The following CR1L variants were observed in gnomAD, a reference collection of about 807,000 sequenced individuals.
CR1L encodes complement component receptor 1-like protein.
In CR1L, 59 loss-of-function variants were observed where a neutral mutation model predicts 62.3. The observed-to-expected ratio is 0.95, with a 90% CI of 0.77 to 1.18. The LOEUF is 1.18. Among genes scored for constraint, CR1L ranks in the 50% most tolerant of loss-of-function variants. The probability of loss-of-function intolerance (pLI) is 0.00; values close to 1 mark genes in which losing one functional copy is unlikely to be tolerated. For synonymous variants in CR1L, 279 were observed against 248.7 expected (o/e 1.12, Z -1.15); for missense variants, 700 against 702.8 (o/e 1.00, Z 0.04).
At chr1:207,682,462 A>T (rs569644333) in intron 3 of CR1L, among the ~76,000 whole-genome samples, 8 of 152,134 alleles carry the variant, frequency 5.3e-5, no homozygotes, top group Admixed American at 6.5e-5. Flanking sequence ...TCTATCTCAA[A>T]AATAATAATA....
At chr1:207,710,930 C>G (rs1664347230) in intron 10 of CR1L, 1 of 862,464 alleles carries the variant, frequency 1.2e-6, no homozygotes, top group African/African-American at 1.7e-5. Context: ...AATTAAGAAT[C>G]TGGGGTGTGC....
At chr1:207,673,484 C>T (rs927450808) in intron 1 of CR1L, among the ~76,000 whole-genome samples, 3 of 152,076 alleles carry the variant, frequency 2.0e-5, no homozygotes, top group African/African-American at 7.2e-5. Flanking sequence ...CTCATATTTG[C>T]GCAGACATGA....
intron 10 of CR1L, among the ~76,000 whole-genome samples, chr1:207,716,322 G>A (rs1466599001): frequency 1.1e-4 from 17 of 152,014 alleles, no homozygotes; most frequent in African/African-American, 3.1e-4. Context: ...GGAAGGAGCC[G>A]GGATGACGAA....
chr1:207,697,598 C>A lies in CR1L; in HGVS notation c.958C>A (p.Pro320Thr). The A allele has an allele frequency of 6.2e-7, 1 of 1,613,904 alleles. No homozygotes were observed. Among genetic ancestry groups the A allele is most frequent in the South Asian group, 1.1e-5 (1 of 91,076 alleles). ...PGQEVFYSCEPGYDLRGSTYL... is the reference protein window; with the variant it reads ...PGQEVFYSCETGYDLRGSTYL... ...GCAGGAAGTGTTCTACAGCTGTGAG[C>A]CCGGCTACGACCTCAGAGGATCTAC... Residue 320 changes from proline to threonine, a missense_variant, in exon 6 of 12, where the codon CCC (proline) becomes ACC (threonine). Pro to Thr is a conservative substitution (Grantham distance 38, BLOSUM62 -1). Transcript: ENST00000508064.
chr1:207,652,664 C>T (rs995527531), intron 1 of CR1L: 2 of 1,016,892 alleles, frequency 2.0e-6, no homozygotes, highest in African/African-American at 1.6e-5. Flanking sequence ...TTCTACGTAC[C>T]TCCTCTTGCC....
At chr1:207,709,910 G>C (rs983330701) in intron 10 of CR1L, among the ~76,000 whole-genome samples, 2 of 151,650 alleles carry the variant, frequency 1.3e-5, no homozygotes, top group African/African-American at 4.8e-5. Flanking sequence ...ACTACGAAGA[G>C]CACAACTCAC....
chr1:207,711,586 T>G (rs1273716508), intron 10 of CR1L: 1 of 152,388 alleles, frequency 6.6e-6, no homozygotes, highest in Non-Finnish European at 1.5e-5. Context: ...AACACGCCCC[T>G]CAATTTGCAT....
Position 207,719,655 on chromosome 1 carries a change from G to A in CR1L, c.1642+1964G>A, listed in dbSNP as rs542845954. ...AGAATCCCAAGCCTGGGAGGTCGAG[G>A]CTGCAGTGAGCTGAGATCACAACAC... is the stretch of plus-strand genomic sequence containing the variant. On this transcript the variant is annotated intron_variant, in intron 11 of 11. Transcript: ENST00000508064. 2.6e-5 allele frequency among the ~76,000 whole-genome samples: 4 copies of A among 152,100 alleles called. No homozygotes were observed. The South Asian group carries it at 8.3e-4, about 32-fold the overall frequency.
intron 1 of CR1L, among the ~76,000 whole-genome samples, chr1:207,647,872 G>A (rs1478656445): frequency 6.6e-6 from 1 of 152,094 alleles, no homozygotes; most frequent in Non-Finnish European, 1.5e-5. Flanking sequence ...ATGGGATTAG[G>A]GAGCAGTGGT....
At chr1:207,684,021 A>G (rs761701754) in intron 4 of CR1L, 64 bp downstream of exon 4, 103 of 1,486,402 alleles carry the variant, frequency 6.9e-5, no homozygotes, top group Non-Finnish European at 9.4e-5. Flanking sequence ...CTGGAATAAT[A>G]AAAATCTTAA....
intron 1 of CR1L, among the ~76,000 whole-genome samples, chr1:207,650,669 C>T (rs1663208306): frequency 6.6e-6 from 1 of 152,106 alleles, no homozygotes. Context: ...TAGTCAAATA[C>T]CATGAATTTC....
chr1:207,661,712 C>T (rs11580299), intron 1 of CR1L, among the ~76,000 whole-genome samples: 5,831 of 151,904 alleles, frequency 0.038, 177 homozygotes, highest in South Asian at 0.12. Context: ...TTATTTTGCT[C>T]GTTAGTTGAT....
rs180938157 is a variant in CR1L at position 207,701,044 on chromosome 1, G to A, written c.1229-475G>A. ...GATGTAAGAGTTTTTCTTGCAGGTC[G>A]TCTTTGATTATTGCTTGAAATGCTC... On this transcript the variant is annotated intron_variant, in intron 8 of 11. Coordinates refer to ENST00000508064, the MANE Select transcript of CR1L (RefSeq NM_175710.2). Among the ~76,000 whole-genome samples, 63 of 152,200 alleles carry A rather than the reference G, an allele frequency of 4.1e-4. 1 individual carries two copies. The highest frequency in any genetic ancestry group is 1.0e-3 in the African/African-American group (42 of 41,512).
chr1:207,677,736 T>C (rs1571514488), intron 2 of CR1L, among the ~76,000 whole-genome samples, 168 bp downstream of exon 2: 1 of 152,246 alleles, frequency 6.6e-6, no homozygotes, highest in Non-Finnish European at 1.5e-5. Context: ...TTTGAGTTCC[T>C]GGCACCTTCA....
intron 5 of CR1L, among the ~76,000 whole-genome samples, chr1:207,697,027 T>G (rs1037662175): frequency 6.6e-6 from 1 of 152,088 alleles, no homozygotes; most frequent in African/African-American, 2.4e-5. Flanking sequence ...AGAGAATAGA[T>G]GTATGTTTGT....
intron 5 of CR1L, among the ~76,000 whole-genome samples, chr1:207,696,885 C>T (rs2102469968): frequency 6.6e-6 from 1 of 152,298 alleles, no homozygotes; most frequent in East Asian, 1.9e-4. Context: ...TTTTGTTCGA[C>T]AGTTGCCCAC....
intron 4 of CR1L, among the ~76,000 whole-genome samples, chr1:207,687,226 T>C (rs1229477858): frequency 6.6e-6 from 1 of 152,170 alleles, no homozygotes; most frequent in Non-Finnish European, 1.5e-5. Context: ...CTTGTAAGAG[T>C]TTATATAAAA....
chr1:207,701,610 T>A lies in CR1L; in HGVS notation c.1320T>A (p.Cys440Ter). Residue 440 changes from cysteine (C) to a stop codon, truncating the protein, a stop_gained, in exon 9 of 12, where the codon TGT (cysteine) becomes TGA (stop). Coordinates refer to ENST00000508064, the MANE Select transcript of CR1L (RefSeq NM_175710.2). LOFTEE classifies it high-confidence loss of function. ...IHVGSRINYS[C>*]TTGHRLIGHS... is the part of the protein sequence containing the mutation. ...TTGGATCCAGAATCAACTATTCTTG[T>A]ACTACAGGGTGAGTTGGCAGCAACA... is the stretch of plus-strand genomic sequence containing the variant. 6.2e-7 allele frequency: 1 copy of A among 1,613,772 alleles called. No homozygotes were observed. Among genetic ancestry groups the A allele is most frequent in the Non-Finnish European group, 8.5e-7 (1 of 1,179,704 alleles).
At chr1:207,694,262 C>T in intron 4 of CR1L, 91 bp from the exon 5 acceptor site, 1 of 1,493,224 alleles carries the variant, frequency 6.7e-7, no homozygotes, top group Non-Finnish European at 9.1e-7. Context: ...AGAATAAAAG[C>T]AAATAATGAA....
Sources: gnomAD v4.1 joint callset for allele counts (sites outside exome capture counted in the v4.1 genomes callset) on GRCh38, gnomAD v4.1.1 for gene constraint, MANE v1.5 for transcripts, NCBI Gene and HGNC (gene_info 2026-07-23, HGNC 2026-07-21) for gene names.